SIK2: variants seen among roughly 807,000 people sequenced by gnomAD.
SIK2 encodes serine/threonine-protein kinase SIK2.
A neutral mutation model predicts 103.2 loss-of-function variants in SIK2; 29 were observed. The observed-to-expected ratio is 0.28, with a 90% CI of 0.21 to 0.38. The LOEUF is 0.38. SIK2 is among the 10% of genes least tolerant of loss of function. SIK2 has a pLI of 1.00. For synonymous variants in SIK2, 412 were observed against 446.1 expected (o/e 0.92, Z 0.96); for missense variants, 879 against 1,171.0 (o/e 0.75, Z 3.64).
At chr11:111,694,142 G>A (rs2135906537) in intron 4 of SIK2, among the ~76,000 whole-genome samples, 1 of 152,210 alleles carries the variant, frequency 6.6e-6, no homozygotes, top group South Asian at 2.1e-4. Context: ...CTCAATACAA[G>A]GTAGCTATTA....
chr11:111,668,994 A>G (rs1942586752), intron 3 of SIK2, among the ~76,000 whole-genome samples: 1 of 152,226 alleles, frequency 6.6e-6, no homozygotes, highest in African/African-American at 2.4e-5. Context: ...TGAATAGACA[A>G]CTGATAGTTG....
intron 4 of SIK2, among the ~76,000 whole-genome samples, chr11:111,698,800 T>A (rs1943142331): frequency 6.6e-6 from 1 of 152,256 alleles, no homozygotes; most frequent in Admixed American, 6.5e-5. Flanking sequence ...ATCCTGTGAT[T>A]ATGGTTTAAA....
chr11:111,649,231 A>G (rs1419126884), intron 3 of SIK2, among the ~76,000 whole-genome samples: 2 of 152,100 alleles, frequency 1.3e-5, no homozygotes, highest in African/African-American at 2.4e-5. Flanking sequence ...CACATATTCC[A>G]TGTATCTCTC....
At position 111,705,165 on chromosome 11, in the gene SIK2, T is replaced by C; in HGVS notation, c.1101+26T>C. ...GTAATGCCCCCTTAGCTGAGAGTCTTATCTGTGCATGTGCCTGTTCACATG... is the reference window on the plus strand; with the variant it reads ...GTAATGCCCCCTTAGCTGAGAGTCTCATCTGTGCATGTGCCTGTTCACATG... On this transcript the variant is annotated intron_variant, in intron 8 of 14. Coordinates refer to ENST00000304987, the MANE Select transcript of SIK2 (RefSeq NM_015191.3). The surrounding 1 kb of genome is among the most constrained non-coding windows in gnomAD (Gnocchi z 4.3). The C allele has an allele frequency of 6.5e-7, 1 of 1,536,456 alleles. No individual in the cohort carries two copies.
intron 3 of SIK2, among the ~76,000 whole-genome samples, chr11:111,647,581 AAG>A (rs1942274150): frequency 6.7e-6 from 1 of 149,330 alleles, no homozygotes; most frequent in Admixed American, 6.7e-5. Flanking sequence ...AAAAAAAAAA[AAG>A]GCTGAACACG....
intron 2 of SIK2, among the ~76,000 whole-genome samples, chr11:111,620,112 T>G (rs1941863368): frequency 6.6e-6 from 1 of 152,228 alleles, no homozygotes; most frequent in Non-Finnish European, 1.5e-5. Context: ...GGTTGAATAG[T>G]GCTACTACTG....
At chr11:111,661,167 C>G (rs989800753) in intron 3 of SIK2, among the ~76,000 whole-genome samples, 3 of 152,064 alleles carry the variant, frequency 2.0e-5, no homozygotes, top group African/African-American at 7.2e-5. Flanking sequence ...CAAAATACAT[C>G]ATTGAAGAAT....
chr11:111,663,794 A>T (rs1273498936), intron 3 of SIK2, among the ~76,000 whole-genome samples: 1 of 152,176 alleles, frequency 6.6e-6, no homozygotes, highest in Admixed American at 6.5e-5. Flanking sequence ...AATGGATGAC[A>T]CCATGCTCCA....
chr11:111,665,751 G>T (rs12289331), intron 3 of SIK2, among the ~76,000 whole-genome samples: 5,300 of 151,898 alleles, frequency 0.035, 304 homozygotes, highest in African/African-American at 0.12. Flanking sequence ...ACTTGAACCC[G>T]GGAGGCAGAG....
intron 3 of SIK2, among the ~76,000 whole-genome samples, chr11:111,650,083 G>T (rs1032382422): frequency 5.3e-5 from 8 of 152,102 alleles, no homozygotes; most frequent in Middle Eastern, 3.4e-3. Context: ...TGATTGTGTA[G>T]ATCTTTCTCC....
chr11:111,659,882 C>CAGTGT, intron 3 of SIK2, among the ~76,000 whole-genome samples: 1 of 152,210 alleles, frequency 6.6e-6, no homozygotes, highest in Non-Finnish European at 1.5e-5. Flanking sequence ...GGAGACGCAA[C>CAGTGT]CGTGTCAAGG....
chr11:111,672,390 C>T (rs188898727), intron 3 of SIK2: 186 of 500,104 alleles, frequency 3.7e-4, no homozygotes, highest in African/African-American at 3.5e-3. Context: ...ACTTCTGGGT[C>T]ACCCTGATGG....
chr11:111,710,107 G>A (rs1179537752), intron 8 of SIK2, among the ~76,000 whole-genome samples: 1 of 152,158 alleles, frequency 6.6e-6, no homozygotes, highest in Non-Finnish European at 1.5e-5. Context: ...TGATTGAAAA[G>A]CTATTGATGG....
intron 9 of SIK2, among the ~76,000 whole-genome samples, chr11:111,714,181 GAAGCCTAAGT>G (rs1943577675): frequency 6.6e-6 from 1 of 152,204 alleles, no homozygotes; most frequent in South Asian, 2.1e-4. Context: ...AAGTACTAGG[GAAGCCTAAGT>G]CCATCTCCAT....
intron 1 of SIK2, among the ~76,000 whole-genome samples, chr11:111,603,035 G>A (rs1157816100): frequency 7.0e-6 from 1 of 141,896 alleles, no homozygotes; most frequent in Non-Finnish European, 1.6e-5. Context: ...CCGCTCCGGA[G>A]CCCAAGTTCC....
chr11:111,703,753 T>C (rs953811594), intron 7 of SIK2, among the ~76,000 whole-genome samples: 2 of 152,148 alleles, frequency 1.3e-5, no homozygotes, highest in Non-Finnish European at 2.9e-5. Context: ...CTAGTTTGTA[T>C]GGAATGTAAA....
chr11:111,683,648 C>T lies in SIK2; in HGVS notation c.317-4353C>T, dbSNP rs1486320833. 2.6e-5 allele frequency among the ~76,000 whole-genome samples: 4 copies of T among 152,088 alleles called. No homozygotes were observed. In the South Asian group the frequency reaches 6.2e-4, roughly 24 times the overall value. On this transcript the variant is annotated intron_variant, in intron 3 of 14. Coordinates refer to ENST00000304987, the MANE Select transcript of SIK2 (RefSeq NM_015191.3). ...TGTATAGTTAGTTGAGATGGGGTTT[C>T]GCCAGGTTGGCCAGGCTGGTTTCGA...
chr11:111,718,518 C>T (rs994344958), intron 9 of SIK2, among the ~76,000 whole-genome samples: 1 of 152,212 alleles, frequency 6.6e-6, no homozygotes, highest in Non-Finnish European at 1.5e-5. Flanking sequence ...CCACCTTACC[C>T]GAGTGAGGGC....
chr11:111,669,069 G>A (rs1032287397), intron 3 of SIK2, among the ~76,000 whole-genome samples: 2 of 152,126 alleles, frequency 1.3e-5, no homozygotes, highest in African/African-American at 4.8e-5. Context: ...AATTCAAGAA[G>A]GAAATGTATA....
Sources: gnomAD v4.1 joint callset for allele counts (sites outside exome capture counted in the v4.1 genomes callset) on GRCh38, gnomAD v4.1.1 for gene constraint, Gnocchi (gnomAD v3.1) non-coding constraint, MANE v1.5 for transcripts, NCBI Gene and HGNC (gene_info 2026-07-23, HGNC 2026-07-21) for gene names.